SORBS2: variants seen among roughly 807,000 people sequenced by gnomAD.
SORBS2 encodes the protein sorbin and SH3 domain-containing protein 2.
In SORBS2, 46 loss-of-function variants were observed where a neutral mutation model predicts 97.7. The observed-to-expected ratio is 0.47, with a 90% confidence interval of 0.37 to 0.60. The LOEUF (loss-of-function observed/expected upper bound fraction) is 0.60, where lower values mean the gene tolerates loss of function less well. SORBS2 is among the 20% of genes least tolerant of loss of function. The probability of loss-of-function intolerance (pLI) is 0.00; values close to 1 mark genes in which losing one functional copy is unlikely to be tolerated. For missense variants in SORBS2, 1,316 were observed against 1,282.3 expected, an observed-to-expected ratio of 1.03 and a Z score of -0.40; for synonymous variants, 476 against 473.4, an observed-to-expected ratio of 1.01 and a Z score of -0.07.
chr4:185,781,159 A>G (rs146054535), intron 1 of SORBS2, among the ~76,000 whole-genome samples: 484 of 151,698 alleles, frequency 3.2e-3, no homozygotes, highest in African/African-American at 0.011. Context: ...TTGGTCTCGA[A>G]CTCCTAACCT....
At chr4:185,690,319 G>A (rs888098143) in intron 2 of SORBS2, among the ~76,000 whole-genome samples, 4 of 152,188 alleles carry the variant, frequency 2.6e-5, no homozygotes, top group Admixed American at 2.6e-4. Flanking sequence ...ATAGGAGTTA[G>A]TTTTAACATG....
At chr4:185,885,460 T>G (rs983926950) in intron 1 of SORBS2, among the ~76,000 whole-genome samples, 2 of 152,196 alleles carry the variant, frequency 1.3e-5, no homozygotes, top group Admixed American at 6.5e-5. Context: ...AGAGGCCAAA[T>G]GTCACCAAGA....
At chr4:185,791,779 A>G (rs949685640) in intron 1 of SORBS2, among the ~76,000 whole-genome samples, 2 of 152,038 alleles carry the variant, frequency 1.3e-5, no homozygotes, top group African/African-American at 4.8e-5. Flanking sequence ...TTTAGATCAG[A>G]GTGCTAATAG....
intron 12 of SORBS2, among the ~76,000 whole-genome samples, chr4:185,594,920 C>T (rs1386666457): frequency 6.6e-6 from 1 of 152,158 alleles, no homozygotes; most frequent in Non-Finnish European, 1.5e-5. Flanking sequence ...TTGATGACTA[C>T]TGAAATAGCT....
chr4:185,607,966 C>T lies in SORBS2; in HGVS notation c.2796+3814G>A, dbSNP rs565672807. Among the ~76,000 whole-genome samples, 1 of 152,282 alleles carries T rather than the reference C, an allele frequency of 6.6e-6. No individual in the cohort carries two copies. Among genetic ancestry groups the T allele is most frequent in the South Asian group, 2.1e-4 (1 of 4,818 alleles). ...TCAGCCTCCCAAAGTGCTGGGGTTA[C>T]AGGTGTGAGCCACCGCGCCTGGCCC... On this transcript the variant is annotated intron_variant, in intron 12 of 14. Coordinates refer to ENST00000418609, the Ensembl canonical transcript of SORBS2. The surrounding 1 kb of genome is among the most constrained non-coding windows in gnomAD (Gnocchi z 5.2).
At chr4:185,782,214 C>T (rs928760322) in intron 1 of SORBS2, among the ~76,000 whole-genome samples, 19 of 152,308 alleles carry the variant, frequency 1.2e-4, no homozygotes, top group African/African-American at 4.6e-4. Flanking sequence ...ATTATGTATT[C>T]TAATTAAGCA....
intron 2 of SORBS2, among the ~76,000 whole-genome samples, chr4:185,748,276 GAGTGCA>G (rs2098776528): frequency 6.6e-6 from 1 of 152,194 alleles, no homozygotes; most frequent in African/African-American, 2.4e-5. Flanking sequence ...GGCGTGCGAG[GAGTGCA>G]GTTGCTGTGT....
chr4:185,606,019 C>A lies in SORBS2; in HGVS notation c.2796+5761G>T. The A allele has an allele frequency of 1.2e-6, 1 of 835,794 alleles. No homozygotes were observed. Among genetic ancestry groups the A allele is most frequent in the Non-Finnish European group, 1.4e-6 (1 of 693,640 alleles). The allele number at this position is 835,794 out of a possible 1,614,324, so 51.8% of individuals were successfully genotyped here. A position where few individuals can be genotyped will look rare whatever the true frequency, so the allele number is the denominator to read the frequency against. ...TGTGAAGTCAACACAAAGAGAACGA[C>A]CTCTTTAGAAAATCGAAAGGGGACA... On this transcript the variant is annotated intron_variant, in intron 12 of 14. Transcript: ENST00000418609. This position sits in a 1 kb window ranked among gnomAD's most constrained non-coding sequence, Gnocchi z 4.3.
intron 2 of SORBS2, among the ~76,000 whole-genome samples, chr4:185,708,747 G>C (rs540858468): frequency 1.3e-5 from 2 of 152,162 alleles, no homozygotes; most frequent in African/African-American, 2.4e-5. Flanking sequence ...ATGTGGTTTT[G>C]ATAACCTTCA....
At chr4:185,628,402 C>A (rs544392355) in intron 5 of SORBS2, among the ~76,000 whole-genome samples, 1 of 151,342 alleles carries the variant, frequency 6.6e-6, no homozygotes, top group South Asian at 2.1e-4. Flanking sequence ...GTCCTATCAT[C>A]TCTATCATCT....
In SORBS2 at chr4:185,677,267, T is replaced by C. The variant is rs372294086; in HGVS notation, c.-46+1156A>G. 1.9e-6 allele frequency: 3 copies of C among 1,551,918 alleles called. No homozygotes were observed. In the African/African-American group the frequency reaches 4.1e-5, roughly 21 times the overall value. ...GAGTACTAATGGGGCTGCTACTTCC[T>C]AGATCCTGGTTATGGGTTAGTTTCA... On this transcript the variant is annotated intron_variant, in intron 4 of 20. Transcript: ENST00000284776.
At chr4:185,646,274 T>C (rs971339410) in intron 4 of SORBS2, 3 of 155,830 alleles carry the variant, frequency 1.9e-5, no homozygotes, top group Admixed American at 6.4e-5. Flanking sequence ...ATTGCACTTA[T>C]GAACTTTTTT....
At chr4:185,806,514 G>GGA in intron 1 of SORBS2, among the ~76,000 whole-genome samples, 2 of 131,696 alleles carry the variant, frequency 1.5e-5, no homozygotes, top group African/African-American at 5.8e-5. Flanking sequence ...CTGGAGTGCA[G>GGA]TGGCGGGATC....
chr4:185,810,014 T>C (rs2099172991), intron 1 of SORBS2, among the ~76,000 whole-genome samples: 1 of 152,260 alleles, frequency 6.6e-6, no homozygotes, highest in Non-Finnish European at 1.5e-5. Context: ...ATTCAGCTCA[T>C]ATAGAATCCC....
At chr4:185,691,916 T>C (rs1457076635) in intron 2 of SORBS2, among the ~76,000 whole-genome samples, 1 of 152,186 alleles carries the variant, frequency 6.6e-6, no homozygotes, top group Admixed American at 6.5e-5. Context: ...GGATAATTTC[T>C]TTTTGCATTT....
intron 2 of SORBS2, among the ~76,000 whole-genome samples, chr4:185,706,509 A>T (rs2098343336): frequency 6.6e-6 from 1 of 152,168 alleles, no homozygotes; most frequent in African/African-American, 2.4e-5. Context: ...GTGCATGACA[A>T]GGTCATGTAC....
intron 12 of SORBS2, among the ~76,000 whole-genome samples, chr4:185,611,147 T>A (rs113562723): frequency 3.3e-5 from 5 of 152,254 alleles, no homozygotes; most frequent in African/African-American, 9.6e-5. Context: ...TGAGGACTTA[T>A]AATAACCGAC....
Position 185,827,147 on chromosome 4 carries a change from C to CCAT in SORBS2, c.-337-51784_-337-51782dup, listed in dbSNP as rs763669419. ...ACCATCATCATCATCATCACCATTG[C>CCAT]CATCATCATCATCACCATCATCACC... On this transcript the variant is annotated intron_variant, in intron 1 of 20. Coordinates refer to the SORBS2 transcript ENST00000284776. 6.7e-5 allele frequency among the ~76,000 whole-genome samples: 2 copies of CCAT among 29,772 alleles called. 1 individual carries two copies. The highest frequency in any genetic ancestry group is 2.3e-4 in the African/African-American group (2 of 8,540). The allele number at this position is 29,772 out of a possible 152,430, so 19.5% of individuals were successfully genotyped here. A position where few individuals can be genotyped will look rare whatever the true frequency, so the allele number is the denominator to read the frequency against.
At chr4:185,948,478 G>A (rs1373277594) in intron 1 of SORBS2, among the ~76,000 whole-genome samples, 1 of 147,156 alleles carries the variant, frequency 6.8e-6, no homozygotes, top group African/African-American at 2.5e-5. Flanking sequence ...GGGGAAGACA[G>A]TACATTGTGA....
Sources: allele counts gnomAD v4.1 joint callset (sites outside exome capture counted in the v4.1 genomes callset), GRCh38; gene constraint gnomAD v4.1.1; non-coding constraint Gnocchi (gnomAD v3.1); transcripts MANE v1.5; gene names NCBI Gene and HGNC (gene_info 2026-07-23, HGNC 2026-07-21).